Variants in MYLK observed in about 807,000 individuals in gnomAD.
The protein encoded by MYLK is myosin light chain kinase.
In MYLK, 106 loss-of-function variants were observed where a neutral mutation model predicts 203.4. The observed-to-expected ratio is 0.52, with a 90% CI of 0.45 to 0.61. MYLK has a LOEUF of 0.61. Ranked by LOEUF, MYLK falls within the 20% of genes least tolerant of loss-of-function variation. The probability of loss-of-function intolerance (pLI) is 0.00; values close to 1 mark genes in which losing one functional copy is unlikely to be tolerated. For missense variants in MYLK, 2,072 were observed against 2,442.3 expected, an observed-to-expected ratio of 0.85 and a Z score of 3.20; for synonymous variants, 867 against 959.5, an observed-to-expected ratio of 0.90 and a Z score of 1.78.
chr3:123,706,001 C>G (rs192130324), intron 16 of MYLK, among the ~76,000 whole-genome samples: 8 of 152,218 alleles, frequency 5.3e-5, no homozygotes, highest in South Asian at 2.1e-4. Context: ...GGCAGAGTGG[C>G]CTTCCTGGTA....
chr3:123,674,052 C>G (rs1163677983), intron 20 of MYLK, among the ~76,000 whole-genome samples: 2 of 152,130 alleles, frequency 1.3e-5, no homozygotes, highest in Non-Finnish European at 2.9e-5. Flanking sequence ...GAAGCCAGAC[C>G]TCTCTCCTGA....
Position 123,739,959 on chromosome 3 carries a change from G to A in MYLK, c.416C>T (p.Thr139Ile). 6.2e-7 allele frequency: 1 copy of A among 1,613,934 alleles called. No homozygotes were observed. The highest frequency in any genetic ancestry group is 8.5e-7 in the Non-Finnish European group (1 of 1,179,830). The stretch of plus-strand genomic sequence containing the variant: ...TTGAACATCCAGGACTTACCCTAAG[G>A]TTTTGGAAACAACAGGCTGACCAAG... ...KQLGQPVVSK[T>I]LGDRFSAPAV... The change falls in exon 6 of 34, where the codon ACC becomes ATC. Residue 139 changes from threonine to isoleucine, a missense_variant. Thr to Ile is a moderately conservative substitution (Grantham distance 89). Transcript: ENST00000360304.
At chr3:123,635,736 A>G (rs1194932967) in intron 29 of MYLK, among the ~76,000 whole-genome samples, 13 of 152,214 alleles carry the variant, frequency 8.5e-5, no homozygotes, top group African/African-American at 1.9e-4. Context: ...CTATGACCCA[A>G]TTATTCTAGT....
chr3:123,690,214 C>T (rs1432823629), intron 19 of MYLK, among the ~76,000 whole-genome samples: 2 of 152,122 alleles, frequency 1.3e-5, no homozygotes, highest in Non-Finnish European at 2.9e-5. Context: ...GTTGGGTGGG[C>T]AGTTGCAGCT....
chr3:123,872,890 G>C (rs775502572), intron 2 of MYLK, among the ~76,000 whole-genome samples: 1 of 152,056 alleles, frequency 6.6e-6, no homozygotes, highest in Non-Finnish European at 1.5e-5. Flanking sequence ...CAGATGTTAG[G>C]GCAGGGTGTG....
At chr3:123,768,217 T>C (rs1362425080) in intron 4 of MYLK, among the ~76,000 whole-genome samples, 1 of 152,260 alleles carries the variant, frequency 6.6e-6, no homozygotes, top group East Asian at 1.9e-4. Flanking sequence ...AGCCGTTTTC[T>C]GTCTTAAGAG....
intron 29 of MYLK, among the ~76,000 whole-genome samples, chr3:123,634,715 G>T (rs551875966): frequency 6.6e-6 from 1 of 152,276 alleles, no homozygotes; most frequent in African/African-American, 2.4e-5. Context: ...GGAAGGGCTC[G>T]GAGAAGAGCT....
chr3:123,752,640 C>T (rs1386581813), intron 4 of MYLK, 102 bp from the exon 5 acceptor site: 1 of 1,100,358 alleles, frequency 9.1e-7, no homozygotes, highest in African/African-American at 1.6e-5. Context: ...TCATTTAATC[C>T]TCATAACGCC....
intron 4 of MYLK, among the ~76,000 whole-genome samples, chr3:123,763,473 A>G (rs566362526): frequency 1.3e-5 from 2 of 152,376 alleles, no homozygotes; most frequent in Non-Finnish European, 2.9e-5. Context: ...TGGAAAGTTA[A>G]AATTTTTAGA....
chr3:123,727,880 G>T (rs182431669), intron 11 of MYLK, among the ~76,000 whole-genome samples: 3 of 152,242 alleles, frequency 2.0e-5, no homozygotes, highest in Admixed American at 2.0e-4. Context: ...GAGAAGTCTT[G>T]GGAAGGGAAA....
chr3:123,852,092 A>C lies in MYLK; in HGVS notation c.-126-20422T>G, dbSNP rs1261824014. On this transcript the variant is annotated intron_variant, in intron 2 of 33. Transcript: ENST00000360304. ...AACCAGCCTTGCATCTCAGGGATGA[A>C]GCCCACTTGATCATGGTGGATAAGC... Among the ~76,000 whole-genome samples, 5 of 152,330 alleles carry C rather than the reference A, an allele frequency of 3.3e-5. No homozygotes were observed. In the East Asian group the frequency reaches 7.7e-4, roughly 24 times the overall value.
chr3:123,675,445 C>T (rs2060043275), intron 20 of MYLK, among the ~76,000 whole-genome samples: 1 of 152,208 alleles, frequency 6.6e-6, no homozygotes, highest in South Asian at 2.1e-4. Flanking sequence ...GAATGCCTCG[C>T]TCTGAAACAT....
At chr3:123,882,879 C>T (rs1174011030) in intron 1 of MYLK, among the ~76,000 whole-genome samples, 4 of 152,102 alleles carry the variant, frequency 2.6e-5, no homozygotes, top group Admixed American at 6.5e-5. Context: ...AGTGTGCAGG[C>T]GGGGAAGAGA....
chr3:123,752,040 A>T (rs2063210079), intron 5 of MYLK, among the ~76,000 whole-genome samples: 1 of 151,922 alleles, frequency 6.6e-6, no homozygotes, highest in South Asian at 2.1e-4. Context: ...GGGGCTCTGT[A>T]AGACCATCCT....
chr3:123,647,230 A>T lies in MYLK; in HGVS notation c.4613T>A (p.Leu1538Gln). The T allele has an allele frequency of 6.2e-7, 1 of 1,614,182 alleles. No individual in the cohort carries two copies. The highest frequency in any genetic ancestry group is 8.5e-7 in the Non-Finnish European group (1 of 1,180,026). Residue 1538 changes from leucine to glutamine, a missense_variant, in exon 27 of 34, where the codon CTG (leucine) becomes CAG (glutamine). Physicochemically the swap from Leu to Gln is moderately radical, Grantham distance 113. Coordinates refer to ENST00000360304, the MANE Select transcript of MYLK (RefSeq NM_053025.4). ...CTGGCAGTGGGCCACTCACATCTCC[A>T]GGACCATGACGATGTTGGCCTTTTC... Reference protein sequence around the residue: ...FEEKANIVMVLEIVSGGELFE... With the variant: ...FEEKANIVMVQEIVSGGELFE...
chr3:123,635,356 T>C (rs76531881), intron 29 of MYLK, among the ~76,000 whole-genome samples: 2 of 152,192 alleles, frequency 1.3e-5, no homozygotes, highest in Non-Finnish European at 2.9e-5. Context: ...TCAGCACCGC[T>C]CTCTGTTGAG....
intron 4 of MYLK, among the ~76,000 whole-genome samples, chr3:123,760,190 A>G (rs74399991): frequency 0.069 from 10,527 of 152,112 alleles, 468 homozygotes; most frequent in Non-Finnish European, 0.1. Flanking sequence ...GTATGTATGT[A>G]TTTATGAGAC....
intron 4 of MYLK, among the ~76,000 whole-genome samples, chr3:123,774,012 G>A (rs1268785614): frequency 6.6e-6 from 1 of 152,238 alleles, no homozygotes; most frequent in Non-Finnish European, 1.5e-5. Flanking sequence ...AGAGCCCTTG[G>A]CAGGGTCCTG....
chr3:123,616,030 TC>T (rs2057473454), intron 33 of MYLK, among the ~76,000 whole-genome samples: 1 of 152,226 alleles, frequency 6.6e-6, no homozygotes, highest in Non-Finnish European at 1.5e-5. Context: ...GAACAAGGGA[TC>T]TTTTTGGAGT....
Sources: gnomAD v4.1 joint callset for allele counts (sites outside exome capture counted in the v4.1 genomes callset) on GRCh38, gnomAD v4.1.1 for gene constraint, MANE v1.5 for transcripts, NCBI Gene and HGNC (gene_info 2026-07-23, HGNC 2026-07-21) for gene names.